The following LCMT1 variants were observed in gnomAD, a reference collection of about 807,000 sequenced individuals.
The protein encoded by LCMT1 is [Phosphatase 2A protein]-leucine-carboxy methyltransferase 1.
LCMT1 carries 32 observed loss-of-function variants against 47.7 expected under a neutral mutation model. The observed-to-expected ratio is 0.67, with a 90% CI of 0.51 to 0.90. LCMT1 has a LOEUF of 0.90. Ranked by LOEUF, LCMT1 falls within the 40% of genes least tolerant of loss-of-function variation. The pLI, the probability that LCMT1 is intolerant of heterozygous loss-of-function variation, is 0.00. For missense variants in LCMT1, 375 were observed against 415.2 expected, an observed-to-expected ratio of 0.90 and a Z score of 0.84; for synonymous variants, 152 against 149.7, an observed-to-expected ratio of 1.02 and a Z score of -0.11.
At chr16:25,169,272 G>C in intron 8 of LCMT1, 59 bp downstream of exon 8, 1 of 1,150,084 alleles carries the variant, frequency 8.7e-7, no homozygotes, top group Non-Finnish European at 1.3e-6. Context: ...GATATATAAA[G>C]GTCTTTCTTT....
At chr16:25,122,762 A>T (rs1301981801) in intron 1 of LCMT1, among the ~76,000 whole-genome samples, 2 of 152,072 alleles carry the variant, frequency 1.3e-5, no homozygotes, top group Non-Finnish European at 1.5e-5. Context: ...TGTCAAGCTG[A>T]TGCTTGTCTC....
At position 25,170,470 on chromosome 16, in the gene LCMT1, A is replaced by G. The variant is rs114431497; in HGVS notation, c.793-244A>G. 1.3e-3 allele frequency among the ~76,000 whole-genome samples: 204 copies of G among 152,192 alleles called. 1 individual carries two copies. The highest frequency in any genetic ancestry group is 4.7e-3 in the African/African-American group (197 of 41,536). On this transcript the variant is annotated intron_variant, in intron 8 of 10. Transcript: ENST00000399069. ...GTCTCAGAGGAGGTCTGGTGTGCTT[A>G]AGAGCATTTCAGTACCAAGCACACT...
intron 7 of LCMT1, among the ~76,000 whole-genome samples, 198 bp from the exon 8 acceptor site, chr16:25,168,914 C>G (rs1351038599): frequency 6.6e-6 from 1 of 152,146 alleles, no homozygotes; most frequent in East Asian, 1.9e-4. Context: ...TGTATCCTGC[C>G]CAGTTTCCCT....
intron 9 of LCMT1, among the ~76,000 whole-genome samples, chr16:25,174,545 G>A (rs1038481828): frequency 3.3e-5 from 5 of 152,012 alleles, no homozygotes; most frequent in Admixed American, 3.3e-4. Context: ...TAATACGTAT[G>A]GACCTACCCC....
chr16:25,133,533 G>C (rs1960416425), intron 3 of LCMT1, among the ~76,000 whole-genome samples: 1 of 150,524 alleles, frequency 6.6e-6, no homozygotes, highest in South Asian at 2.1e-4. Flanking sequence ...TGAATAGCTT[G>C]GACTACAGGT....
At chr16:25,173,111 A>G (rs970167938) in intron 9 of LCMT1, among the ~76,000 whole-genome samples, 1 of 152,238 alleles carries the variant, frequency 6.6e-6, no homozygotes. Flanking sequence ...CGGAAACTGT[A>G]GAGTATAATA....
At chr16:25,167,958 T>C (rs1005285921) in intron 7 of LCMT1, among the ~76,000 whole-genome samples, 27 of 152,096 alleles carry the variant, frequency 1.8e-4, no homozygotes, top group African/African-American at 4.6e-4. Flanking sequence ...CAGGGTTTCA[T>C]GTTGGCCAGG....
chr16:25,132,065 G>T, intron 2 of LCMT1: 2 of 398,390 alleles, frequency 5.0e-6, no homozygotes, highest in Non-Finnish European at 4.9e-6. Context: ...AGTCCAGAGT[G>T]GCTTTCATTA....
chr16:25,143,298 C>T (rs140620379), intron 4 of LCMT1: 48 of 152,284 alleles, frequency 3.2e-4, no homozygotes, highest in African/African-American at 1.2e-3. Flanking sequence ...GCATCTTAAC[C>T]CAGGACTCGT....
intron 1 of LCMT1, among the ~76,000 whole-genome samples, chr16:25,119,177 G>A (rs556544557): frequency 6.6e-6 from 1 of 152,268 alleles, no homozygotes; most frequent in Admixed American, 6.5e-5. Flanking sequence ...TGGCAGAGTG[G>A]ATGTGGGGCA....
chr16:25,163,127 G>A (rs146739220), intron 6 of LCMT1, among the ~76,000 whole-genome samples: 1 of 152,334 alleles, frequency 6.6e-6, no homozygotes, highest in African/African-American at 2.4e-5. Flanking sequence ...CTCCCAAAGT[G>A]TTGGAATTAA....
At chr16:25,159,540 A>G (rs1961358330) in intron 5 of LCMT1, among the ~76,000 whole-genome samples, 1 of 152,184 alleles carries the variant, frequency 6.6e-6, no homozygotes, top group African/African-American at 2.4e-5. Flanking sequence ...TGTTGGGATT[A>G]TAGGCGTGAG....
intron 1 of LCMT1, among the ~76,000 whole-genome samples, chr16:25,117,433 A>G (rs761344490): frequency 6.6e-6 from 1 of 152,178 alleles, no homozygotes; most frequent in East Asian, 1.9e-4. Context: ...CCGGCTGGAC[A>G]TCTCCACTTG....
At chr16:25,136,537 C>T (rs867571222) in intron 3 of LCMT1, among the ~76,000 whole-genome samples, 8 of 151,658 alleles carry the variant, frequency 5.3e-5, no homozygotes, top group Middle Eastern at 3.4e-3. Context: ...TAGGTACACA[C>T]ATGCCATGGT....
intron 3 of LCMT1, 47 bp from the exon 4 acceptor site, chr16:25,140,124 C>A: frequency 7.2e-7 from 1 of 1,381,196 alleles, no homozygotes. Flanking sequence ...AGATGATCAG[C>A]ACATGTAAGA....
intron 8 of LCMT1, chr16:25,169,554 T>A (rs1325070943): frequency 5.4e-6 from 1 of 185,394 alleles, no homozygotes; most frequent in Non-Finnish European, 1.1e-5. Context: ...CCCACAATTT[T>A]TTTGTAGATG....
chr16:25,112,142 C>T (rs1057509218), intron 1 of LCMT1, 146 bp downstream of exon 1: 1 of 705,406 alleles, frequency 1.4e-6, no homozygotes, highest in South Asian at 1.5e-5. Flanking sequence ...GTGAAGTGCA[C>T]GGAGCAGGGC....
rs1389267758 is a variant in LCMT1 at position 25,122,315 on chromosome 16, GATT to G, written c.114-6156_114-6154del. Among the ~76,000 whole-genome samples, 8 of 128,094 alleles carry G rather than the reference GATT, an allele frequency of 6.2e-5. No homozygotes were observed. The East Asian group carries it at 1.6e-3, about 26-fold the overall frequency. The allele number at this position is 128,094 out of a possible 152,430, so 84.0% of individuals were successfully genotyped here. On this transcript the variant is annotated intron_variant, in intron 1 of 10. Transcript: ENST00000399069. ...CCTCTCTCCTGATGATGATGATGAT[GATT>G]ATTGTTTGAGACAGTCTCACTCTGT...
At chr16:25,157,879 T>A (rs1961308036) in intron 5 of LCMT1, among the ~76,000 whole-genome samples, 1 of 152,214 alleles carries the variant, frequency 6.6e-6, no homozygotes, top group Non-Finnish European at 1.5e-5. Flanking sequence ...TCAGTAATGT[T>A]TTCATAGTAC....
Sources: gnomAD v4.1 joint callset for allele counts (sites outside exome capture counted in the v4.1 genomes callset) on GRCh38, gnomAD v4.1.1 for gene constraint, MANE v1.5 for transcripts, NCBI Gene and HGNC (gene_info 2026-07-23, HGNC 2026-07-21) for gene names.